Variants in GPM6A observed in about 807,000 individuals in gnomAD.
GPM6A encodes neuronal membrane glycoprotein M6-a.
A neutral mutation model predicts 32.1 loss-of-function variants in GPM6A; 7 were observed. The ratio of observed to expected loss-of-function variants is 0.22; its 90% CI spans 0.12 to 0.41. The LOEUF is 0.41. GPM6A is among the 10% of genes least tolerant of loss of function. The pLI is 1.00. For synonymous variants in GPM6A, 130 were observed against 123.4 expected, an observed-to-expected ratio of 1.05 and a Z score of -0.35; for missense variants, 235 against 347.2, an observed-to-expected ratio of 0.68 and a Z score of 2.57.
chr4:175,794,552 A>C (rs1281796407), intron 1 of GPM6A, among the ~76,000 whole-genome samples: 1 of 152,226 alleles, frequency 6.6e-6, no homozygotes, highest in East Asian at 1.9e-4. Flanking sequence ...CTCGGAAGTT[A>C]TTCTAAAAGC....
chr4:175,690,393 A>G (rs1032949347), intron 2 of GPM6A, among the ~76,000 whole-genome samples: 33 of 152,230 alleles, frequency 2.2e-4, no homozygotes, highest in Admixed American at 7.9e-4. Flanking sequence ...TTAATTTCCT[A>G]TGACTGTTTT....
intron 1 of GPM6A, among the ~76,000 whole-genome samples, chr4:175,760,661 T>G (rs965554836): frequency 2.0e-5 from 3 of 151,928 alleles, no homozygotes; most frequent in Non-Finnish European, 2.9e-5. Context: ...TCATATAAAC[T>G]GAAAACCATA....
chr4:175,798,240 C>A (rs1198791352), intron 1 of GPM6A, among the ~76,000 whole-genome samples: 1 of 152,114 alleles, frequency 6.6e-6, no homozygotes. Context: ...ACGATCTAAC[C>A]CATAATCACC....
intron 1 of GPM6A, among the ~76,000 whole-genome samples, chr4:175,726,762 G>A (rs1370703713): frequency 9.2e-5 from 14 of 152,172 alleles, no homozygotes; most frequent in Non-Finnish European, 1.6e-4. Flanking sequence ...TGGGGAGGCC[G>A]AGGCAGGAGG....
chr4:175,967,860 C>A (rs1174906280), intron 1 of GPM6A, among the ~76,000 whole-genome samples: 1 of 152,200 alleles, frequency 6.6e-6, no homozygotes, highest in South Asian at 2.1e-4. Context: ...TCTATAGTTG[C>A]AATGTAATCC....
intron 1 of GPM6A, among the ~76,000 whole-genome samples, chr4:175,829,970 AC>A (rs1735559682): frequency 6.6e-6 from 1 of 152,124 alleles, no homozygotes; most frequent in Admixed American, 6.6e-5. Context: ...AAGAGGTCAA[AC>A]TAAGCCCAGT....
intron 1 of GPM6A, among the ~76,000 whole-genome samples, chr4:175,880,232 T>C (rs1466322872): frequency 1.3e-5 from 2 of 152,194 alleles, no homozygotes; most frequent in Admixed American, 6.5e-5. Flanking sequence ...CTCTGTTCTG[T>C]TCCATTGGTG....
intron 1 of GPM6A, among the ~76,000 whole-genome samples, chr4:175,740,920 G>T (rs1476508492): frequency 6.6e-6 from 1 of 152,048 alleles, no homozygotes; most frequent in Non-Finnish European, 1.5e-5. Flanking sequence ...AGTGCATAAA[G>T]ATCCGGCTGC....
intron 1 of GPM6A, among the ~76,000 whole-genome samples, chr4:175,721,422 G>T (rs1746127569): frequency 6.6e-6 from 1 of 151,660 alleles, no homozygotes; most frequent in Admixed American, 6.6e-5. Context: ...GTTGCAGTGA[G>T]TCGAGATCAC....
chr4:175,670,791 T>G (rs1222562963), intron 3 of GPM6A, among the ~76,000 whole-genome samples: 4 of 152,116 alleles, frequency 2.6e-5, no homozygotes, highest in South Asian at 4.1e-4. Flanking sequence ...CAAGTTATGC[T>G]TTCAAAGGCA....
intron 1 of GPM6A, among the ~76,000 whole-genome samples, chr4:175,773,434 G>T (rs1733269092): frequency 1.3e-5 from 2 of 151,944 alleles, no homozygotes; most frequent in African/African-American, 4.8e-5. Flanking sequence ...AATTGAAAAA[G>T]AAATAAAATC....
chr4:175,697,615 G>T (rs936258628), intron 2 of GPM6A, among the ~76,000 whole-genome samples: 2 of 151,902 alleles, frequency 1.3e-5, no homozygotes, highest in Non-Finnish European at 2.9e-5. Flanking sequence ...GAAAATTAAG[G>T]GATTAAAAGC....
intron 4 of GPM6A, chr4:175,641,053 A>G (rs1292346180): frequency 7.9e-6 from 4 of 505,212 alleles, no homozygotes; most frequent in African/African-American, 5.8e-5. Context: ...AATAATTTCA[A>G]TCTGAATTCA....
At chr4:175,682,738 G>A (rs1309425765) in intron 2 of GPM6A, among the ~76,000 whole-genome samples, 1 of 152,216 alleles carries the variant, frequency 6.6e-6, no homozygotes, top group Non-Finnish European at 1.5e-5. Context: ...AGCCCTGTCA[G>A]CTTCCATGGT....
chr4:175,758,530 T>A (rs1187094074), intron 1 of GPM6A, among the ~76,000 whole-genome samples: 1 of 152,190 alleles, frequency 6.6e-6, no homozygotes, highest in African/African-American at 2.4e-5. Flanking sequence ...ATGTGGAGTG[T>A]TATTTAGGAG....
intron 1 of GPM6A, among the ~76,000 whole-genome samples, chr4:175,721,635 C>T (rs181524390): frequency 1.3e-5 from 2 of 152,268 alleles, no homozygotes; most frequent in African/African-American, 4.8e-5. Flanking sequence ...CTTAAAGACA[C>T]TTCTTACTAC....
At chr4:175,909,429 TACC>T (rs1165286895) in intron 1 of GPM6A, among the ~76,000 whole-genome samples, 1 of 152,186 alleles carries the variant, frequency 6.6e-6, no homozygotes, top group Non-Finnish European at 1.5e-5. Flanking sequence ...AGAGTAAGTT[TACC>T]ATACTTATTC....
At chr4:175,806,899 A>G (rs1302113847) in intron 1 of GPM6A, 1 of 152,196 alleles carries the variant, frequency 6.6e-6, no homozygotes, top group African/African-American at 2.4e-5. Context: ...GCAGCTGAAG[A>G]GATGATTTGT....
intron 2 of GPM6A, among the ~76,000 whole-genome samples, chr4:175,685,742 C>T (rs1233841729): frequency 6.6e-6 from 1 of 152,106 alleles, no homozygotes; most frequent in Non-Finnish European, 1.5e-5. Context: ...CTTCTTTGTT[C>T]TTGACTTTAG....
Sources: allele counts gnomAD v4.1 joint callset (sites outside exome capture counted in the v4.1 genomes callset), GRCh38; gene constraint gnomAD v4.1.1; transcripts MANE v1.5; gene names NCBI Gene and HGNC (gene_info 2026-07-23, HGNC 2026-07-21).